Variants in BORCS5 observed in about 807,000 individuals in gnomAD.
BORCS5 encodes the protein BLOC-1 related complex subunit 5, also known as BLOC-1-related complex subunit 5.
In BORCS5, 17 loss-of-function variants were observed where a neutral mutation model predicts 22.1. The ratio of observed to expected loss-of-function variants is 0.77; its 90% CI spans 0.53 to 1.15. BORCS5 has a LOEUF of 1.15. Among genes scored for constraint, BORCS5 ranks in the 50% most tolerant of loss-of-function variants. The pLI, the probability that BORCS5 is intolerant of heterozygous loss-of-function variation, is 0.00. For synonymous variants in BORCS5, 117 were observed against 99.8 expected (o/e 1.17, Z -1.03); for missense variants, 247 against 253.2 (o/e 0.98, Z 0.17).
At position 12,406,055 on chromosome 12, in the gene BORCS5, A is replaced by T. The variant is rs114980002; in HGVS notation, c.203-29573A>T. 5.4e-3 allele frequency among the ~76,000 whole-genome samples: 825 copies of T among 152,314 alleles called. 7 individuals are homozygous for T. The highest frequency in any genetic ancestry group is 0.019 in the African/African-American group (799 of 41,554). ...TTGGTGACCGGACTTTGCCACAGGG[A>T]TTGCTTCTACTGCTCCCTTGGAAAC... On this transcript the variant is annotated intron_variant, in intron 2 of 3. Transcript: ENST00000314565.
chr12:12,437,929 A>G (rs368096518), intron 3 of BORCS5, among the ~76,000 whole-genome samples: 3 of 152,010 alleles, frequency 2.0e-5, no homozygotes, highest in Admixed American at 6.5e-5. Context: ...ACGCCTGGCT[A>G]TGTTGCCTAG....
At chr12:12,362,722 C>T (rs907299062) in intron 2 of BORCS5, among the ~76,000 whole-genome samples, 1 of 141,696 alleles carries the variant, frequency 7.1e-6, no homozygotes, top group African/African-American at 2.5e-5. Context: ...TTACTGCAAC[C>T]TCCACCTCCC....
chr12:12,373,523 G>A (rs1863576687), intron 2 of BORCS5, among the ~76,000 whole-genome samples: 1 of 152,098 alleles, frequency 6.6e-6, no homozygotes, highest in Non-Finnish European at 1.5e-5. Flanking sequence ...GTTTATTATT[G>A]CATAATAGCA....
intron 3 of BORCS5, among the ~76,000 whole-genome samples, chr12:12,452,855 C>T (rs942221520): frequency 1.1e-4 from 16 of 152,182 alleles, no homozygotes; most frequent in Non-Finnish European, 1.5e-5. Flanking sequence ...GGTTTTGTTG[C>T]AGCCTGTCAT....
intron 2 of BORCS5, among the ~76,000 whole-genome samples, chr12:12,371,628 A>G (rs1863531266): frequency 6.6e-6 from 1 of 152,102 alleles, no homozygotes; most frequent in South Asian, 2.1e-4. Flanking sequence ...ACAAGTTCAC[A>G]CTAATATGTT....
At chr12:12,452,144 A>C in intron 3 of BORCS5, 1 of 560,076 alleles carries the variant, frequency 1.8e-6, no homozygotes, top group Non-Finnish European at 3.5e-6. Flanking sequence ...TAGTAATGTC[A>C]CCAATGTTAA....
intron 3 of BORCS5, among the ~76,000 whole-genome samples, chr12:12,460,318 T>C (rs7133988): frequency 0.17 from 25,698 of 152,236 alleles, 3,312 homozygotes; most frequent in African/African-American, 0.36. Context: ...TTCATTGTTA[T>C]GTAGAAATAC....
At chr12:12,432,445 G>C (rs944472186) in intron 2 of BORCS5, among the ~76,000 whole-genome samples, 5 of 152,190 alleles carry the variant, frequency 3.3e-5, no homozygotes, top group African/African-American at 4.8e-5. Context: ...TCTTGGTACA[G>C]GCACTCTGGG....
chr12:12,415,366 G>A (rs1283055620), intron 2 of BORCS5, among the ~76,000 whole-genome samples: 11 of 151,164 alleles, frequency 7.3e-5, no homozygotes, highest in Non-Finnish European at 1.2e-4. Flanking sequence ...GGCCAACACA[G>A]CAAAACCCCG....
chr12:12,455,778 TAA>T (rs144613630), intron 3 of BORCS5, among the ~76,000 whole-genome samples: 296 of 141,960 alleles, frequency 2.1e-3, no homozygotes, highest in Middle Eastern at 3.5e-3. Flanking sequence ...GACTCGGTCT[TAA>T]AAAAAAAAAA....
At chr12:12,366,965 A>C (rs1330344521) in intron 2 of BORCS5, among the ~76,000 whole-genome samples, 3 of 152,236 alleles carry the variant, frequency 2.0e-5, no homozygotes, top group Non-Finnish European at 4.4e-5. Context: ...GGATGATCAA[A>C]CATATACAGT....
rs142713667 is a variant in BORCS5, at chr12:12,391,667, C to T, written c.202+30318C>T. Among the ~76,000 whole-genome samples, 418 of 151,242 alleles carry T rather than the reference C, an allele frequency of 2.8e-3. 3 individuals carry two copies. The highest frequency in any genetic ancestry group is 8.7e-3 in the African/African-American group (357 of 41,104). ...CCTCCGAAAGTGCTGGGATTGCAGA[C>T]GTGAGCCACCACGCCTGGCACAAAA... On this transcript the variant is annotated intron_variant, in intron 2 of 3. Coordinates refer to ENST00000314565, the MANE Select transcript of BORCS5 (RefSeq NM_058169.6).
intron 3 of BORCS5, among the ~76,000 whole-genome samples, chr12:12,458,650 C>T (rs1310277132): frequency 1.4e-5 from 2 of 145,754 alleles, no homozygotes; most frequent in African/African-American, 5.0e-5. Context: ...GCGATCTTGA[C>T]TCACTGCAAC....
At chr12:12,430,855 T>C (rs1222417357) in intron 2 of BORCS5, among the ~76,000 whole-genome samples, 2 of 152,222 alleles carry the variant, frequency 1.3e-5, no homozygotes, top group Non-Finnish European at 2.9e-5. Context: ...ATATACCTTT[T>C]AAAAATTTTA....
chr12:12,445,529 C>CTT (rs56356376), intron 3 of BORCS5, among the ~76,000 whole-genome samples: 31 of 38,988 alleles, frequency 8.0e-4, no homozygotes, highest in Admixed American at 1.4e-3. Context: ...TTTGAAATAC[C>CTT]TTTTTTTTTT....
intron 3 of BORCS5, among the ~76,000 whole-genome samples, chr12:12,437,670 G>A (rs564799345): frequency 6.6e-6 from 1 of 152,296 alleles, no homozygotes; most frequent in Middle Eastern, 3.4e-3. Flanking sequence ...GTTGACCTCA[G>A]AACACTTATC....
At chr12:12,430,143 T>C (rs984896873) in intron 2 of BORCS5, among the ~76,000 whole-genome samples, 2 of 141,076 alleles carry the variant, frequency 1.4e-5, no homozygotes, top group African/African-American at 2.8e-5. Context: ...TTAATCACCT[T>C]AGAGAAAATT....
At chr12:12,362,979 G>T (rs1414699790) in intron 2 of BORCS5, among the ~76,000 whole-genome samples, 1 of 151,292 alleles carries the variant, frequency 6.6e-6, no homozygotes, top group Non-Finnish European at 1.5e-5. Flanking sequence ...TCATGATTTT[G>T]AGGAATAATG....
At chr12:12,405,194 T>C (rs1037739585) in intron 2 of BORCS5, among the ~76,000 whole-genome samples, 7 of 152,192 alleles carry the variant, frequency 4.6e-5, no homozygotes, top group Non-Finnish European at 8.8e-5. Context: ...GATTTAGTCA[T>C]AAATGAGCTG....
Sources: allele counts gnomAD v4.1 joint callset (sites outside exome capture counted in the v4.1 genomes callset), GRCh38; gene constraint gnomAD v4.1.1; transcripts MANE v1.5; gene names NCBI Gene and HGNC (gene_info 2026-07-23, HGNC 2026-07-21).